The following KIFC3 variants were observed in gnomAD, a reference collection of about 807,000 sequenced individuals.
KIFC3 encodes kinesin-like protein KIFC3.
KIFC3 carries 60 observed loss-of-function variants against 101.8 expected under a neutral mutation model. That is an observed-to-expected ratio of 0.59 (90% CI 0.48 to 0.73). KIFC3 has a LOEUF of 0.73. KIFC3 is among the 30% of genes least tolerant of loss of function. The probability of loss-of-function intolerance (pLI) is 0.00; values close to 1 mark genes in which losing one functional copy is unlikely to be tolerated. For missense variants in KIFC3, 966 were observed against 1,137.1 expected (o/e 0.85, Z 2.16); for synonymous variants, 476 against 482.7 (o/e 0.99, Z 0.18).
chr16:57,762,095 C>A (rs368375493), intron 13 of KIFC3, 45 bp downstream of exon 13: 1 of 1,537,328 alleles, frequency 6.5e-7, no homozygotes, highest in Non-Finnish European at 8.8e-7. Context: ...CGGAGGACCC[C>A]AAAGCTGCCC....
intron 10 of KIFC3, chr16:57,765,978 A>C: frequency 4.3e-6 from 1 of 233,518 alleles, no homozygotes; most frequent in Non-Finnish European, 8.3e-6. Context: ...CAGTTTCTTC[A>C]TCCAGACAAT....
chr16:57,788,761 G>A lies in KIFC3; in HGVS notation c.315+6238C>T, dbSNP rs576461898. 1.2e-3 allele frequency: 1,509 copies of A among 1,283,584 alleles called. 3 individuals are homozygous for A. The highest frequency in any genetic ancestry group is 1.4e-3 in the Non-Finnish European group (1,418 of 985,354). 79.5% of individuals were successfully genotyped at this position (1,283,584 alleles called of 1,614,324 possible). A position where few individuals can be genotyped will look rare whatever the true frequency, so the allele number is the denominator to read the frequency against. ...CTCACGTGAAGGAGACTGTGCCAGG[G>A]AAGGACCCTCGAGCCAGAGGATGGT... On this transcript the variant is annotated intron_variant, in intron 3 of 19. Transcript: ENST00000445690.
At chr16:57,791,445 G>A (rs1379388516) in intron 3 of KIFC3, among the ~76,000 whole-genome samples, 2 of 152,212 alleles carry the variant, frequency 1.3e-5, no homozygotes, top group Non-Finnish European at 2.9e-5. Context: ...TTTCTGCAGC[G>A]CCTCTGTAGG....
chr16:57,819,939 G>C (rs2055315401), intron 1 of KIFC3, among the ~76,000 whole-genome samples: 1 of 152,122 alleles, frequency 6.6e-6, no homozygotes, highest in Non-Finnish European at 1.5e-5. Flanking sequence ...CACGATCTCG[G>C]CTCACTCCAA....
At chr16:57,796,357 G>A (rs1340776687) in intron 2 of KIFC3, among the ~76,000 whole-genome samples, 1 of 152,242 alleles carries the variant, frequency 6.6e-6, no homozygotes, top group Admixed American at 6.5e-5. Flanking sequence ...GTAGCCATCA[G>A]CTCCTCAAAA....
At chr16:57,790,347 G>A (rs2149159942) in intron 3 of KIFC3, among the ~76,000 whole-genome samples, 1 of 144,494 alleles carries the variant, frequency 6.9e-6, no homozygotes, top group African/African-American at 2.6e-5. Flanking sequence ...CTCCCAAAGT[G>A]TCAGGACTAC....
chr16:57,858,437 G>T (rs2056225192), intron 1 of KIFC3, among the ~76,000 whole-genome samples: 1 of 152,006 alleles, frequency 6.6e-6, no homozygotes. Flanking sequence ...TCTCATTTCA[G>T]TAATAGCAGA....
chr16:57,836,768 T>C (rs1384330025), intron 1 of KIFC3, among the ~76,000 whole-genome samples: 1 of 152,056 alleles, frequency 6.6e-6, no homozygotes, highest in Non-Finnish European at 1.5e-5. Flanking sequence ...CATAGCTCAC[T>C]GCAGCCTCGA....
intron 3 of KIFC3, among the ~76,000 whole-genome samples, chr16:57,777,713 T>G (rs1441327037): frequency 6.8e-6 from 1 of 148,014 alleles, no homozygotes; most frequent in Admixed American, 6.8e-5. Context: ...AGAGCAAGAC[T>G]CCATCTCAAA....
rs1316012467 is a variant in KIFC3, at chr16:57,758,429, G to C, written c.*505C>G. On this transcript the variant is annotated 3_prime_UTR_variant, in exon 20 of 20. Transcript: ENST00000445690. ...GCCATGCGCCTCCGCACACCCCCCA[G>C]CTGCGGGAACCCTCCTTGAAGGAGA... 1 of 369,618 alleles carries C rather than the reference G, an allele frequency of 2.7e-6. No homozygotes were observed. The highest frequency in any genetic ancestry group is 5.3e-6 in the Non-Finnish European group (1 of 189,848). 22.9% of individuals were successfully genotyped at this position (369,618 alleles called of 1,614,324 possible). A position where few individuals can be genotyped will look rare whatever the true frequency, so the allele number is the denominator to read the frequency against.
chr16:57,851,567 ATTCT>A (rs1259937166), intron 1 of KIFC3, among the ~76,000 whole-genome samples: 1 of 128,364 alleles, frequency 7.8e-6, no homozygotes, highest in African/African-American at 2.7e-5. Flanking sequence ...TCGTTCGTTC[ATTCT>A]TTTTTTTTTT....
intron 1 of KIFC3, among the ~76,000 whole-genome samples, chr16:57,852,549 G>A (rs190827427): frequency 3.3e-5 from 5 of 152,054 alleles, no homozygotes; most frequent in East Asian, 1.9e-4. Context: ...AACACCTTTC[G>A]TCTACTGTTT....
intron 1 of KIFC3, among the ~76,000 whole-genome samples, chr16:57,811,113 C>T (rs1032338065): frequency 6.6e-6 from 1 of 152,202 alleles, no homozygotes; most frequent in Non-Finnish European, 1.5e-5. Context: ...CAGGAGCATC[C>T]CACCTCAGTA....
rs782398275 is a variant in KIFC3 at position 57,769,578 on chromosome 16, C to G, written c.1218+17G>C. On this transcript the variant is annotated intron_variant, in intron 9 of 19. Transcript: ENST00000445690. The surrounding 1 kb of genome is among the most constrained non-coding windows in gnomAD (Gnocchi z 4.3). ...ACCCCCTTAGCCTGGACCCTCCCAC[C>G]CACTGCCCTCGCTCACCTCGGCCTT... The G allele has an allele frequency of 1.2e-6, 2 of 1,604,138 alleles. No individual in the cohort carries two copies. The highest frequency in any genetic ancestry group is 2.2e-5 in the South Asian group (2 of 90,478).
chr16:57,764,035 G>A, intron 12 of KIFC3, 108 bp downstream of exon 12: 1 of 800,194 alleles, frequency 1.2e-6, no homozygotes, highest in South Asian at 1.5e-5. Context: ...GGGTTGTGAG[G>A]ACCAAATGAG....
At chr16:57,851,835 G>A (rs566275397) in intron 1 of KIFC3, among the ~76,000 whole-genome samples, 1 of 152,144 alleles carries the variant, frequency 6.6e-6, no homozygotes, top group African/African-American at 2.4e-5. Flanking sequence ...TGCCTCCCAG[G>A]TTCACGCGAT....
chr16:57,819,994 G>A (rs551622661), intron 1 of KIFC3, among the ~76,000 whole-genome samples: 1 of 152,212 alleles, frequency 6.6e-6, no homozygotes, highest in Admixed American at 6.5e-5. Flanking sequence ...TCAGTCTCCT[G>A]AGTAGCTGGG....
intron 2 of KIFC3, among the ~76,000 whole-genome samples, chr16:57,795,983 T>C (rs2054289949): frequency 7.5e-6 from 1 of 133,576 alleles, no homozygotes; most frequent in Non-Finnish European, 1.5e-5. Context: ...AACCTCCACC[T>C]CCCGGGTTCA....
At chr16:57,847,234 G>T (rs1235270913) in intron 1 of KIFC3, among the ~76,000 whole-genome samples, 2 of 98,870 alleles carry the variant, frequency 2.0e-5, no homozygotes, top group Non-Finnish European at 3.8e-5. Context: ...AAGGAAGGAA[G>T]GAAGGAAGGA....
Sources: gnomAD v4.1 joint callset for allele counts (sites outside exome capture counted in the v4.1 genomes callset) on GRCh38, gnomAD v4.1.1 for gene constraint, Gnocchi (gnomAD v3.1) non-coding constraint, MANE v1.5 for transcripts, NCBI Gene and HGNC (gene_info 2026-07-23, HGNC 2026-07-21) for gene names.